Variants in DPY19L1 observed in about 807,000 individuals in gnomAD.
DPY19L1 encodes protein C-mannosyl-transferase DPY19L1.
In DPY19L1, 35 loss-of-function variants were observed where a neutral mutation model predicts 96.9. The observed-to-expected ratio is 0.36, with a 90% CI of 0.28 to 0.48. The LOEUF (loss-of-function observed/expected upper bound fraction) is 0.48. Among genes scored for constraint, DPY19L1 ranks in the 20% least tolerant of loss-of-function variants. The pLI is 0.99. For synonymous variants in DPY19L1, 205 were observed against 252.6 expected (o/e 0.81, Z 1.79); for missense variants, 521 against 777.9 (o/e 0.67, Z 3.93).
At chr7:34,979,645 T>G (rs1162013507) in intron 7 of DPY19L1, among the ~76,000 whole-genome samples, 4 of 152,096 alleles carry the variant, frequency 2.6e-5, no homozygotes, top group Admixed American at 2.6e-4. Flanking sequence ...GGAACCTTTT[T>G]GAGTTTGAAA....
At chr7:35,017,834 T>C in intron 3 of DPY19L1, 48 bp downstream of exon 3, 1 of 1,407,328 alleles carries the variant, frequency 7.1e-7, no homozygotes. Flanking sequence ...ATATTAAATG[T>C]TTTTAAATTC....
chr7:34,972,403 G>A (rs2128668399), intron 8 of DPY19L1, among the ~76,000 whole-genome samples: 1 of 152,308 alleles, frequency 6.6e-6, no homozygotes. Flanking sequence ...TGCCCACTTA[G>A]GGACAGATCG....
chr7:34,947,535 T>C (rs1784174885), intron 15 of DPY19L1, 95 bp downstream of exon 15: 1 of 971,098 alleles, frequency 1.0e-6, no homozygotes, highest in Non-Finnish European at 1.6e-6. Flanking sequence ...ATACAAAACG[T>C]TGTATCAGAT....
chr7:34,988,784 A>G (rs1016175926), intron 7 of DPY19L1, among the ~76,000 whole-genome samples: 6 of 152,234 alleles, frequency 3.9e-5, no homozygotes, highest in Non-Finnish European at 5.9e-5. Context: ...TGTATTAGAA[A>G]TTCATTTACA....
chr7:35,022,798 C>T (rs890244475), intron 1 of DPY19L1, among the ~76,000 whole-genome samples: 13 of 152,274 alleles, frequency 8.5e-5, no homozygotes, highest in Admixed American at 5.2e-4. Flanking sequence ...ACACATCATC[C>T]TTTTTCACCA....
chr7:34,993,392 TTACAATGC>T (rs1785213798), intron 6 of DPY19L1, among the ~76,000 whole-genome samples: 1 of 152,210 alleles, frequency 6.6e-6, no homozygotes, highest in African/African-American at 2.4e-5. Flanking sequence ...TCTTAATTTC[TTACAATGC>T]TAGACTCTGT....
In DPY19L1 at chr7:34,969,525, T is replaced by G. The variant is rs565383734; in HGVS notation, c.922A>C (p.Lys308Gln). ...LLVTHILRAT[K>Q]LYRGSLIALC... ...GCAATCAAGCTTCCTCTATAAAGTT[T>G]TGTAGCCCTTGAAAAGATAAAATAA... Residue 308 changes from lysine to glutamine, a missense_variant, in exon 9 of 22, where the codon AAA (lysine) becomes CAA (glutamine). By Grantham distance (53) the Lys-to-Gln change is moderately conservative (BLOSUM62 1). Transcript: ENST00000638088. The G allele has an allele frequency of 3.9e-6, 6 of 1,548,322 alleles. No homozygotes were observed. The African/African-American group carries it at 8.4e-5, about 22-fold the overall frequency.
intron 15 of DPY19L1, 113 bp from the exon 16 acceptor site, chr7:34,945,829 A>C (rs1462464433): frequency 1.4e-6 from 1 of 718,070 alleles, no homozygotes; most frequent in Non-Finnish European, 2.4e-6. Context: ...AAGTATAGAG[A>C]TAACTCAGAA....
chr7:34,959,204 G>C (rs1229805591), intron 10 of DPY19L1, among the ~76,000 whole-genome samples: 1 of 152,204 alleles, frequency 6.6e-6, no homozygotes, highest in Non-Finnish European at 1.5e-5. Flanking sequence ...TCATTAAAAA[G>C]TCAGGAGACA....
chr7:34,993,054 A>T (rs1333280796), intron 6 of DPY19L1, among the ~76,000 whole-genome samples: 1 of 152,116 alleles, frequency 6.6e-6, no homozygotes, highest in Non-Finnish European at 1.5e-5. Flanking sequence ...TTAGATTCTG[A>T]TCCTTTTGAT....
At chr7:35,023,234 C>A (rs1786037374) in intron 1 of DPY19L1, among the ~76,000 whole-genome samples, 1 of 152,196 alleles carries the variant, frequency 6.6e-6, no homozygotes, top group Non-Finnish European at 1.5e-5. Context: ...TTACCCCAAG[C>A]CAGGGCCCTT....
At chr7:34,955,562 T>C (rs1433674163) in intron 11 of DPY19L1, among the ~76,000 whole-genome samples, 195 bp from the exon 12 acceptor site, 1 of 152,184 alleles carries the variant, frequency 6.6e-6, no homozygotes, top group Non-Finnish European at 1.5e-5. Flanking sequence ...CAAAGTCAAT[T>C]AGGTGAATGC....
intron 1 of DPY19L1, among the ~76,000 whole-genome samples, chr7:35,020,047 C>T (rs1428601084): frequency 3.9e-5 from 6 of 152,060 alleles, no homozygotes; most frequent in Non-Finnish European, 8.8e-5. Flanking sequence ...CTGGGAGGAT[C>T]GCTTGAGTCC....
chr7:34,957,903 G>C (rs1784411602), intron 11 of DPY19L1, 81 bp downstream of exon 11: 1 of 873,628 alleles, frequency 1.1e-6, no homozygotes, highest in Middle Eastern at 2.2e-4. Flanking sequence ...AGAAAACCCT[G>C]ATGAATCCTA....
At chr7:34,971,069 A>G (rs1784716112) in intron 8 of DPY19L1, among the ~76,000 whole-genome samples, 1 of 152,062 alleles carries the variant, frequency 6.6e-6, no homozygotes, top group Non-Finnish European at 1.5e-5. Context: ...CTGCATCAAC[A>G]CTGCTCAGCT....
Position 34,992,106 on chromosome 7 carries a change from T to C in DPY19L1, c.765-2165A>G, listed in dbSNP as rs181172772. ...GGAAGCACTGCAGCAGTCCACACTC[T>C]TGTCACAGAGTATGCAGGAGGTCGT... On this transcript the variant is annotated intron_variant, in intron 6 of 21. Coordinates refer to ENST00000638088, the MANE Select transcript of DPY19L1 (RefSeq NM_001366673.1). 1.2e-4 allele frequency among the ~76,000 whole-genome samples: 18 copies of C among 152,314 alleles called. No homozygotes were observed. The East Asian group carries it at 1.9e-3, about 16-fold the overall frequency.
At position 34,963,502 on chromosome 7, in the gene DPY19L1, A is replaced by C. The variant is rs1378835171; in HGVS notation, c.1092+3392T>G. On this transcript the variant is annotated intron_variant, in intron 10 of 21. Transcript: ENST00000638088. ...TACATACTGAAAACAACTGAAAACA[A>C]GATCTCAAAAAATATTTGTTTACCC... Among the ~76,000 whole-genome samples the C allele has an allele frequency of 2.0e-5, 3 of 152,246 alleles. No individual in the cohort carries two copies. The South Asian group carries it at 6.2e-4, about 31-fold the overall frequency.
Position 35,011,275 on chromosome 7 carries a change from A to G in DPY19L1, c.670+55T>C, listed in dbSNP as rs532655008. 116 of 1,581,012 alleles carry G rather than the reference A, an allele frequency of 7.3e-5. No individual in the cohort carries two copies. In the African/African-American group the frequency reaches 1.4e-3, roughly 19 times the overall value. ...TTACAGTGTAAGTTTATTATGCTAG[A>G]TAAGTTTATTATGTTACAACAGATA... On this transcript the variant is annotated intron_variant, in intron 5 of 21. Transcript: ENST00000638088.
chr7:34,981,516 A>G (rs985128733), intron 7 of DPY19L1, among the ~76,000 whole-genome samples: 15 of 152,362 alleles, frequency 9.8e-5, no homozygotes, highest in African/African-American at 3.6e-4. Flanking sequence ...GGGCATTTTT[A>G]TAATAGAGAC....
Sources: allele counts gnomAD v4.1 joint callset (sites outside exome capture counted in the v4.1 genomes callset), GRCh38; gene constraint gnomAD v4.1.1; transcripts MANE v1.5; gene names NCBI Gene and HGNC (gene_info 2026-07-23, HGNC 2026-07-21).